Variants in SPOCK1 observed in about 807,000 individuals in gnomAD.
SPOCK1 encodes testican-1.
In SPOCK1, 23 loss-of-function variants were observed where a neutral mutation model predicts 55.3. The observed-to-expected ratio is 0.42, with a 90% CI of 0.30 to 0.59. The LOEUF is 0.59. SPOCK1 is among the 20% of genes least tolerant of loss of function. The probability of loss-of-function intolerance (pLI) is 0.22; values close to 1 mark genes in which losing one functional copy is unlikely to be tolerated. For missense variants in SPOCK1, 499 were observed against 552.5 expected (o/e 0.90, Z 0.97); for synonymous variants, 226 against 221.0 (o/e 1.02, Z -0.20).
chr5:137,223,116 T>C (rs936028181), intron 3 of SPOCK1, among the ~76,000 whole-genome samples: 16 of 151,554 alleles, frequency 1.1e-4, no homozygotes, highest in Admixed American at 1.1e-3. Flanking sequence ...ATGGCAAAAA[T>C]AAAGCAGGGA....
intron 2 of SPOCK1, among the ~76,000 whole-genome samples, chr5:137,462,578 G>A (rs553703069): frequency 9.2e-5 from 14 of 152,278 alleles, no homozygotes; most frequent in Non-Finnish European, 1.6e-4. Flanking sequence ...TTGCCTGTGC[G>A]TTGTTTTCCT....
chr5:137,300,890 T>C (rs1757576001), intron 2 of SPOCK1, among the ~76,000 whole-genome samples: 1 of 152,196 alleles, frequency 6.6e-6, no homozygotes, highest in Admixed American at 6.5e-5. Flanking sequence ...GAACACAGAT[T>C]GTACCAAGTG....
At chr5:137,434,489 T>C (rs1402985518) in intron 2 of SPOCK1, among the ~76,000 whole-genome samples, 4 of 118,572 alleles carry the variant, frequency 3.4e-5, no homozygotes, top group East Asian at 2.3e-4. Flanking sequence ...TCTTTTTTTT[T>C]TTTTTTTTTT....
In SPOCK1 at chr5:136,992,524, G is replaced by C. The variant is rs1224275917; in HGVS notation, c.666C>G (p.Asn222Lys). ...DWFGALHEDA[N>K]RVIKPTSSNT... ...TGGAGCTGGTGGGCTTGATGACTCT[G>C]TTCGCATCCTCGTGGAGAGCTCCAA... The change falls in exon 7 of 11, where the codon AAC (asparagine) becomes AAG (lysine). Residue 222 changes from asparagine (N) to lysine (K), a missense_variant. By Grantham distance (94) the Asn-to-Lys change is moderately conservative. Coordinates refer to ENST00000394945, the MANE Select transcript of SPOCK1 (RefSeq NM_004598.4). 2 of 1,613,856 alleles carry C rather than the reference G, an allele frequency of 1.2e-6. No homozygotes were observed. Among genetic ancestry groups the C allele is most frequent in the East Asian group, 2.2e-5 (1 of 44,840 alleles).
chr5:137,222,380 T>G (rs1304119708), intron 3 of SPOCK1, among the ~76,000 whole-genome samples: 8 of 152,190 alleles, frequency 5.3e-5, no homozygotes. Flanking sequence ...CTAACACCAG[T>G]AGCTAATAAG....
At chr5:137,184,469 C>A (rs1480474057) in intron 3 of SPOCK1, among the ~76,000 whole-genome samples, 1 of 152,178 alleles carries the variant, frequency 6.6e-6, no homozygotes, top group Non-Finnish European at 1.5e-5. Context: ...CCAGCACGGG[C>A]AAAGCTTTTC....
At chr5:137,261,738 A>G (rs1270946837) in intron 3 of SPOCK1, among the ~76,000 whole-genome samples, 1 of 152,232 alleles carries the variant, frequency 6.6e-6, no homozygotes. Flanking sequence ...TATACACTTT[A>G]TCTAAAGCGT....
chr5:137,054,118 A>G (rs975799495), intron 6 of SPOCK1, among the ~76,000 whole-genome samples: 1 of 152,204 alleles, frequency 6.6e-6, no homozygotes, highest in African/African-American at 2.4e-5. Context: ...GTATACATTG[A>G]GCACCTTTTA....
At chr5:137,216,135 G>A (rs1360845174) in intron 3 of SPOCK1, among the ~76,000 whole-genome samples, 1 of 152,144 alleles carries the variant, frequency 6.6e-6, no homozygotes, top group Non-Finnish European at 1.5e-5. Flanking sequence ...AGGGAAAGGG[G>A]GCACTGAGGT....
intron 2 of SPOCK1, among the ~76,000 whole-genome samples, chr5:137,387,772 A>G (rs1283850020): frequency 6.6e-6 from 1 of 152,230 alleles, no homozygotes. Context: ...GGATGTTGAT[A>G]ATAGCTCAGG....
chr5:137,114,531 T>C (rs1174354763), intron 4 of SPOCK1, among the ~76,000 whole-genome samples: 1 of 152,214 alleles, frequency 6.6e-6, no homozygotes, highest in South Asian at 2.1e-4. Context: ...ATTATTTGCA[T>C]TTATAAATTA....
chr5:137,131,989 A>AAAT (rs1391176339), intron 4 of SPOCK1, among the ~76,000 whole-genome samples: 6 of 36,050 alleles, frequency 1.7e-4, no homozygotes, highest in Non-Finnish European at 2.1e-4. Context: ...AAAAAAAAAA[A>AAAT]ATATATATAT....
intron 2 of SPOCK1, among the ~76,000 whole-genome samples, chr5:137,317,014 C>A (rs544226524): frequency 6.6e-6 from 1 of 152,288 alleles, no homozygotes; most frequent in Non-Finnish European, 1.5e-5. Flanking sequence ...GATAAGAGCT[C>A]TGAATGGCCA....
chr5:137,087,168 T>A (rs951997044), intron 5 of SPOCK1, among the ~76,000 whole-genome samples: 33 of 152,130 alleles, frequency 2.2e-4, no homozygotes, highest in Non-Finnish European at 4.0e-4. Context: ...GGCACAGTCT[T>A]TTTTTCTTTC....
chr5:137,423,179 G>A (rs1287577287), intron 2 of SPOCK1, among the ~76,000 whole-genome samples: 2 of 152,194 alleles, frequency 1.3e-5, no homozygotes, highest in African/African-American at 2.4e-5. Context: ...GCTGTGTGAG[G>A]TGTCAGTCTG....
intron 2 of SPOCK1, among the ~76,000 whole-genome samples, chr5:137,443,601 C>T (rs546957491): frequency 1.3e-5 from 2 of 152,232 alleles, no homozygotes; most frequent in East Asian, 3.9e-4. Flanking sequence ...CCCATGACCC[C>T]AAACCATAGA....
At chr5:137,257,440 T>C (rs1344517386) in intron 3 of SPOCK1, among the ~76,000 whole-genome samples, 1 of 152,160 alleles carries the variant, frequency 6.6e-6, no homozygotes, top group Non-Finnish European at 1.5e-5. Context: ...TCTCGAGCTC[T>C]CTTTCCCCCA....
chr5:137,090,643 G>T (rs746415467), intron 5 of SPOCK1, among the ~76,000 whole-genome samples: 1 of 152,152 alleles, frequency 6.6e-6, no homozygotes, highest in Non-Finnish European at 1.5e-5. Flanking sequence ...GGCAGAATTC[G>T]GTCGAGCTTG....
chr5:137,076,229 T>C (rs1252965663), intron 5 of SPOCK1, among the ~76,000 whole-genome samples: 1 of 152,188 alleles, frequency 6.6e-6, no homozygotes, highest in Non-Finnish European at 1.5e-5. Flanking sequence ...AGGAAAGCTT[T>C]TCTGAGGCTC....
Sources: gnomAD v4.1 joint callset for allele counts (sites outside exome capture counted in the v4.1 genomes callset) on GRCh38, gnomAD v4.1.1 for gene constraint, MANE v1.5 for transcripts, NCBI Gene and HGNC (gene_info 2026-07-23, HGNC 2026-07-21) for gene names.